Variants in CLUL1 observed in about 807,000 individuals in gnomAD.
CLUL1 encodes the protein clusterin like 1.
Under a neutral mutation model 49.4 loss-of-function variants are expected in CLUL1, and 43 were observed. That is an observed-to-expected ratio of 0.87 (90% CI 0.68 to 1.12). CLUL1 has a LOEUF of 1.12. Ranked by LOEUF, CLUL1 falls within the 50% of genes most tolerant of loss-of-function variation. The pLI, the probability that CLUL1 is intolerant of heterozygous loss-of-function variation, is 0.00. For missense variants in CLUL1, 486 were observed against 544.4 expected (o/e 0.89, Z 1.07); for synonymous variants, 192 against 184.9 (o/e 1.04, Z -0.31).
Position 624,873 on chromosome 18 carries a change from G to C in CLUL1, c.264G>C (p.Leu88=). 3 of 1,613,748 alleles carry C rather than the reference G, an allele frequency of 1.9e-6. No individual in the cohort carries two copies. The highest frequency in any genetic ancestry group is 2.5e-6 in the Non-Finnish European group (3 of 1,179,898). ...TTTCTACTTTTAACTAGGAGGCCCT[G>C]AAACTTCTGAATGAAGTTCAAGAAC... is the stretch of plus-strand genomic sequence containing the variant. ...KKCREEKQEA[L]KLLNEVQEHL... Residue 88 remains leucine, a synonymous_variant, in exon 5 of 10, where the codon CTG becomes CTC. Coordinates refer to ENST00000692774, the MANE Select transcript of CLUL1 (RefSeq NM_001393344.1).
chr18:642,233 C>G (rs2074363264), intron 8 of CLUL1, among the ~76,000 whole-genome samples: 1 of 152,210 alleles, frequency 6.6e-6, no homozygotes, highest in African/African-American at 2.4e-5. Flanking sequence ...GAGTTTGAGA[C>G]CAGCCTGGCT....
rs1442826229 is a variant in CLUL1, at chr18:627,016, AAAGAAAG to A, written c.424-78_424-72del. Reference sequence around the variant, plus strand: ...GAAGGAAGGAAGGAAGGAAAGAAAGAAAGAAAGAAAGAAAAGAAAGAAAGAGTCGAGA... The same window carrying A: ...GAAGGAAGGAAGGAAGGAAAGAAAGAAAAGAAAAGAAAGAAAGAGTCGAGA... On this transcript the variant is annotated intron_variant, in intron 5 of 9. Coordinates refer to ENST00000692774, the MANE Select transcript of CLUL1 (RefSeq NM_001393344.1). 1.1e-5 allele frequency: 4 copies of A among 351,170 alleles called. 2 individuals carry two copies. The African/African-American group carries it at 1.6e-4, about 14-fold the overall frequency. The allele number at this position is 351,170 out of a possible 1,614,324, so 21.8% of individuals were successfully genotyped here.
At chr18:607,175 C>G in intron 2 of CLUL1, 76 bp downstream of exon 2, 1 of 690,358 alleles carries the variant, frequency 1.4e-6, no homozygotes, top group Non-Finnish European at 2.6e-6. Context: ...TCACCCAGGC[C>G]AGAATGCAGT....
intron 1 of CLUL1, chr18:598,428 T>C (rs1348251547): frequency 1.3e-5 from 5 of 397,112 alleles, no homozygotes; most frequent in African/African-American, 2.1e-5. Flanking sequence ...TTTGTGAGTC[T>C]TCCTTCTTTC....
At chr18:612,046 C>G (rs916333153) in intron 2 of CLUL1, among the ~76,000 whole-genome samples, 5 of 152,158 alleles carry the variant, frequency 3.3e-5, no homozygotes, top group Non-Finnish European at 5.9e-5. Context: ...AAATAAGTTC[C>G]AAATCTCACC....
At position 628,484 on chromosome 18, in the gene CLUL1, TA is replaced by T. The variant is rs149521298; in HGVS notation, c.856+956del. On this transcript the variant is annotated intron_variant, in intron 6 of 9. Coordinates refer to ENST00000692774, the MANE Select transcript of CLUL1 (RefSeq NM_001393344.1). ...GTGGGCTTCTATGGAGTAAGTTAGA[TA>T]CCGCATTCGAGAATGAGAATTGCCA... Among the ~76,000 whole-genome samples, 40 of 152,270 alleles carry T rather than the reference TA, an allele frequency of 2.6e-4. No homozygotes were observed. The East Asian group carries it at 7.3e-3, about 28-fold the overall frequency.
At chr18:613,210 C>G (rs1247341724) in intron 2 of CLUL1, 1 of 472,388 alleles carries the variant, frequency 2.1e-6, no homozygotes, top group Admixed American at 3.7e-5. Context: ...GCAATCTCAG[C>G]TCACTGCAAC....
At chr18:628,429 C>T (rs554541799) in intron 6 of CLUL1, among the ~76,000 whole-genome samples, 36 of 152,252 alleles carry the variant, frequency 2.4e-4, no homozygotes, top group African/African-American at 8.4e-4. Flanking sequence ...CACAATGCTG[C>T]TTTATGTTTT....
intron 9 of CLUL1, 55 bp from the exon 10 acceptor site, chr18:649,843 C>A: frequency 8.9e-7 from 1 of 1,119,754 alleles, no homozygotes; most frequent in South Asian, 1.4e-5. Context: ...TACACTGAGT[C>A]TGTGAGTAAT....
intron 7 of CLUL1, among the ~76,000 whole-genome samples, chr18:633,811 GGCGGAGC>G (rs2074059140): frequency 3.4e-5 from 1 of 28,994 alleles, no homozygotes; most frequent in Non-Finnish European, 9.9e-5. Context: ...AATGAATCAG[GGCGGAGC>G]GTGTAATCGG....
intron 5 of CLUL1, among the ~76,000 whole-genome samples, chr18:626,262 A>G (rs2073689671): frequency 6.6e-6 from 1 of 151,986 alleles, no homozygotes. Context: ...ACAGGCGCCC[A>G]CCACCACGCC....
At chr18:617,853 A>G in intron 2 of CLUL1, 135 bp from the exon 3 acceptor site, 1 of 673,188 alleles carries the variant, frequency 1.5e-6, no homozygotes, top group Non-Finnish European at 2.6e-6. Flanking sequence ...TCTCAGGCAC[A>G]TTAGCATAAG....
chr18:611,265 T>G (rs2143960612), intron 2 of CLUL1, among the ~76,000 whole-genome samples: 1 of 147,982 alleles, frequency 6.8e-6, no homozygotes, highest in South Asian at 2.1e-4. Context: ...TAGTACAGAT[T>G]GCCTCTCATA....
Position 646,907 on chromosome 18 carries a change from GCC to G in CLUL1, c.1397+1811_1397+1812del, listed in dbSNP as rs1423979234. ...TGGGATTACAGGCGCACACCACCAT[GCC>G]TGGCTAATTTTTGTGTTTTTTAGTA... is the stretch of plus-strand genomic sequence containing the variant. On this transcript the variant is annotated intron_variant, in intron 9 of 9. Coordinates refer to ENST00000692774, the MANE Select transcript of CLUL1 (RefSeq NM_001393344.1). 8.6e-5 allele frequency among the ~76,000 whole-genome samples: 13 copies of G among 151,872 alleles called. No homozygotes were observed. The East Asian group carries it at 2.5e-3, about 29-fold the overall frequency.
chr18:600,479 T>C (rs1228788543), intron 1 of CLUL1, among the ~76,000 whole-genome samples: 1 of 152,208 alleles, frequency 6.6e-6, no homozygotes, highest in Non-Finnish European at 1.5e-5. Flanking sequence ...ACAGTAGTTG[T>C]GTCTGTATAT....
At chr18:638,021 G>T (rs1480360760) in intron 7 of CLUL1, among the ~76,000 whole-genome samples, 1 of 151,870 alleles carries the variant, frequency 6.6e-6, no homozygotes, top group East Asian at 1.9e-4. Flanking sequence ...AATAAAAAAG[G>T]AGTGCTCTCT....
In CLUL1 at chr18:644,892, A is replaced by G; in HGVS notation, c.1210-18A>G. The G allele has an allele frequency of 6.3e-7, 1 of 1,585,258 alleles. No homozygotes were observed. The highest frequency in any genetic ancestry group is 1.3e-5 in the African/African-American group (1 of 74,332). ...TTGGGATTTAGTAAACTTCTACTGTATAATCCTTCTTCTGTAGGTAGTTCC... is the reference window on the plus strand; with the variant it reads ...TTGGGATTTAGTAAACTTCTACTGTGTAATCCTTCTTCTGTAGGTAGTTCC... On this transcript the variant is annotated intron_variant, in intron 8 of 9. Coordinates refer to ENST00000692774, the MANE Select transcript of CLUL1 (RefSeq NM_001393344.1).
At chr18:629,088 A>G (rs2073908995) in intron 6 of CLUL1, among the ~76,000 whole-genome samples, 4 of 152,200 alleles carry the variant, frequency 2.6e-5, no homozygotes, top group Admixed American at 2.6e-4. Flanking sequence ...TCAGAAACTG[A>G]AGCTAGGAAA....
intron 7 of CLUL1, among the ~76,000 whole-genome samples, chr18:641,082 A>T (rs532056550): frequency 2.0e-5 from 3 of 152,218 alleles, no homozygotes; most frequent in Non-Finnish European, 4.4e-5. Context: ...GGAATTTATA[A>T]CAAAAGTTCT....
Sources: gnomAD v4.1 joint callset for allele counts (sites outside exome capture counted in the v4.1 genomes callset) on GRCh38, gnomAD v4.1.1 for gene constraint, MANE v1.5 for transcripts, NCBI Gene and HGNC (gene_info 2026-07-23, HGNC 2026-07-21) for gene names.